INVS: variants seen among roughly 807,000 people sequenced by gnomAD.
INVS encodes inversion of embryo turning homolog.
In INVS, 86 loss-of-function variants were observed where a neutral mutation model predicts 108.8. The observed-to-expected ratio is 0.79, with a 90% CI of 0.66 to 0.95. INVS has a LOEUF of 0.95. Ranked by LOEUF, INVS falls within the 40% of genes least tolerant of loss-of-function variation. The pLI is 0.00. For missense variants in INVS, 1,169 were observed against 1,297.4 expected, an observed-to-expected ratio of 0.90 and a Z score of 1.52; for synonymous variants, 455 against 473.5, an observed-to-expected ratio of 0.96 and a Z score of 0.51.
intron 3 of INVS, among the ~76,000 whole-genome samples, chr9:100,128,686 C>T (rs1175918156): frequency 1.3e-5 from 2 of 152,210 alleles, no homozygotes; most frequent in Admixed American, 6.5e-5. Context: ...AAAACATCTT[C>T]ACCTTAAACT....
intron 2 of INVS, among the ~76,000 whole-genome samples, chr9:100,111,774 T>C (rs146164797): frequency 6.7e-6 from 1 of 150,316 alleles, no homozygotes; most frequent in Non-Finnish European, 1.5e-5. Context: ...AGCTGAATGT[T>C]ATAAGTGAGG....
At chr9:100,275,621 C>A (rs1418243585) in intron 12 of INVS, among the ~76,000 whole-genome samples, 1 of 152,178 alleles carries the variant, frequency 6.6e-6, no homozygotes, top group East Asian at 1.9e-4. Context: ...ACTAAGCTGG[C>A]CCAGGCACAG....
At chr9:100,145,213 A>C (rs2118961605) in intron 3 of INVS, among the ~76,000 whole-genome samples, 1 of 151,882 alleles carries the variant, frequency 6.6e-6, no homozygotes, top group African/African-American at 2.4e-5. Context: ...CAGAGAACAG[A>C]GTAGAGACAC....
rs77147493 is a variant in INVS, at chr9:100,113,558, TTTTGTTTGTTTG to T, written c.106+8955_106+8966del. Among the ~76,000 whole-genome samples, 195 of 152,026 alleles carry T rather than the reference TTTTGTTTGTTTG, an allele frequency of 1.3e-3. 4 individuals carry two copies. The East Asian group carries it at 0.028, about 22-fold the overall frequency. ...AACCCAGGCATTTATCTGGTGTCTT[TTTTGTTTGTTTG>T]TTTGTTTGTTTGTTTGTTTGTTTTA... On this transcript the variant is annotated intron_variant, in intron 2 of 16. Coordinates refer to ENST00000262457, the MANE Select transcript of INVS (RefSeq NM_014425.5).
At chr9:100,288,943 GC>G (rs1833531030) in intron 13 of INVS, among the ~76,000 whole-genome samples, 1 of 151,800 alleles carries the variant, frequency 6.6e-6, no homozygotes, top group Non-Finnish European at 1.5e-5. Flanking sequence ...TGATCTTTAT[GC>G]TGAGGCCTAT....
chr9:100,211,639 T>TG (rs1830834251), intron 3 of INVS, among the ~76,000 whole-genome samples: 1 of 152,070 alleles, frequency 6.6e-6, no homozygotes, highest in South Asian at 2.1e-4. Flanking sequence ...GAGAAGGCAT[T>TG]GGGGGGAAAT....
At position 100,114,276 on chromosome 9, in the gene INVS, A is replaced by C. The variant is rs931502946; in HGVS notation, c.106+9649A>C. On this transcript the variant is annotated intron_variant, in intron 2 of 16. Coordinates refer to ENST00000262457, the MANE Select transcript of INVS (RefSeq NM_014425.5). ...TAGCCAGTTTCTCCCCACATTCCAC[A>C]TATTCCAGTCCCTGGTAACCACTGG... is the stretch of plus-strand genomic sequence containing the variant. Among the ~76,000 whole-genome samples, 18 of 151,640 alleles carry C rather than the reference A, an allele frequency of 1.2e-4. 1 individual carries two copies. The highest frequency in any genetic ancestry group is 5.3e-4 in the Admixed American group (8 of 15,208).
chr9:100,179,881 A>G (rs61636243), intron 3 of INVS, among the ~76,000 whole-genome samples: 2,072 of 152,302 alleles, frequency 0.014, 36 homozygotes, highest in African/African-American at 0.048. Context: ...AAAATTGACC[A>G]CATAATTGGA....
At chr9:100,133,052 C>T (rs566281640) in intron 3 of INVS, among the ~76,000 whole-genome samples, 5 of 152,072 alleles carry the variant, frequency 3.3e-5, no homozygotes, top group African/African-American at 4.8e-5. Flanking sequence ...TTGCAGTGAG[C>T]GGATATTGCA....
chr9:100,202,934 T>C (rs1830573050), intron 3 of INVS, among the ~76,000 whole-genome samples: 1 of 152,192 alleles, frequency 6.6e-6, no homozygotes, highest in African/African-American at 2.4e-5. Flanking sequence ...CAATATCTCT[T>C]ATCCATTGGC....
At chr9:100,154,793 T>C (rs1180929242) in intron 3 of INVS, among the ~76,000 whole-genome samples, 1 of 152,088 alleles carries the variant, frequency 6.6e-6, no homozygotes, top group Non-Finnish European at 1.5e-5. Context: ...GAATGAAGAC[T>C]CTTACCTAAA....
chr9:100,126,669 T>C, intron 3 of INVS, 120 bp downstream of exon 3: 1 of 963,394 alleles, frequency 1.0e-6, no homozygotes. Context: ...ATAGGTTTTA[T>C]ATATTTTCTC....
At chr9:100,155,409 T>C (rs1432341185) in intron 3 of INVS, among the ~76,000 whole-genome samples, 1 of 152,228 alleles carries the variant, frequency 6.6e-6, no homozygotes, top group East Asian at 1.9e-4. Context: ...CAATCTTGGC[T>C]CACTGCATCC....
intron 3 of INVS, among the ~76,000 whole-genome samples, chr9:100,225,652 A>C (rs1831292116): frequency 6.6e-6 from 1 of 152,214 alleles, no homozygotes; most frequent in South Asian, 2.1e-4. Context: ...AAAATGTGCA[A>C]ACGTCTTTGA....
At chr9:100,212,716 A>G (rs938440123) in intron 3 of INVS, among the ~76,000 whole-genome samples, 1 of 151,884 alleles carries the variant, frequency 6.6e-6, no homozygotes, top group Admixed American at 6.6e-5. Context: ...AGCTCTCAAC[A>G]TTTCTATTGT....
At chr9:100,293,163 T>G (rs994353154) in intron 14 of INVS, 120 bp downstream of exon 14, 1 of 836,570 alleles carries the variant, frequency 1.2e-6, no homozygotes, top group African/African-American at 1.7e-5. Context: ...AAGGCCAATT[T>G]TATAGAGCCT....
chr9:100,280,929 A>AT (rs1174862030), intron 12 of INVS, among the ~76,000 whole-genome samples: 2 of 152,182 alleles, frequency 1.3e-5, no homozygotes, highest in Admixed American at 6.5e-5. Context: ...CTCTACAAAA[A>AT]TTTTTTTTAA....
chr9:100,246,292 T>C (rs1275914985), intron 7 of INVS, among the ~76,000 whole-genome samples: 1 of 152,252 alleles, frequency 6.6e-6, no homozygotes, highest in African/African-American at 2.4e-5. Context: ...TTCTGAGTTT[T>C]CTAACTCTCA....
intron 12 of INVS, among the ~76,000 whole-genome samples, chr9:100,277,086 G>A (rs992493637): frequency 1.2e-4 from 19 of 152,184 alleles, no homozygotes; most frequent in African/African-American, 4.6e-4. Context: ...AGATTGTTCT[G>A]TGTCCCCAAA....
Sources: gnomAD v4.1 joint callset for allele counts (sites outside exome capture counted in the v4.1 genomes callset) on GRCh38, gnomAD v4.1.1 for gene constraint, MANE v1.5 for transcripts, NCBI Gene and HGNC (gene_info 2026-07-23, HGNC 2026-07-21) for gene names.